Variants in SLIT2 observed in about 807,000 individuals in gnomAD.
SLIT2 encodes slit guidance ligand 2, also known as slit homolog 2 protein.
A neutral mutation model predicts 185.7 loss-of-function variants in SLIT2; 41 were observed. That is an observed-to-expected ratio of 0.22 (90% confidence interval 0.17 to 0.29). SLIT2 has a LOEUF of 0.29. Among genes scored for constraint, SLIT2 ranks in the 10% least tolerant of loss-of-function variants. The probability of loss-of-function intolerance (pLI) is 1.00; values close to 1 mark genes in which losing one functional copy is unlikely to be tolerated. For synonymous variants in SLIT2, 693 were observed against 680.2 expected, an observed-to-expected ratio of 1.02 and a Z score of -0.29; for missense variants, 1,571 against 1,909.0, an observed-to-expected ratio of 0.82 and a Z score of 3.30.
intron 4 of SLIT2, among the ~76,000 whole-genome samples, chr4:20,448,310 A>ATT (rs1369280973): frequency 2.0e-5 from 3 of 150,922 alleles, no homozygotes; most frequent in African/African-American, 7.3e-5. Flanking sequence ...TTATGAGTTT[A>ATT]TTTTTTTTTG....
chr4:20,292,250 A>G (rs1365072483), intron 4 of SLIT2, among the ~76,000 whole-genome samples: 2 of 152,202 alleles, frequency 1.3e-5, no homozygotes, highest in Non-Finnish European at 2.9e-5. Context: ...TAGGTTTCTA[A>G]TAAAAGAGAC....
At chr4:20,596,383 T>G (rs756297066) in intron 31 of SLIT2, 32 bp from the exon 32 acceptor site, 2 of 1,604,068 alleles carry the variant, frequency 1.2e-6, no homozygotes, top group Non-Finnish European at 1.7e-6. Context: ...TAAAATCGTA[T>G]TAACTAATTT....
In SLIT2 at chr4:20,382,129, A is replaced by G. The variant is rs117997473; in HGVS notation, c.396-85623A>G. Among the ~76,000 whole-genome samples, 1,491 of 152,250 alleles carry G rather than the reference A, an allele frequency of 9.8e-3. 23 individuals are homozygous for G. The highest frequency in any genetic ancestry group is 0.08 in the East Asian group (416 of 5,178). On this transcript the variant is annotated intron_variant, in intron 4 of 36. Coordinates refer to ENST00000504154, the MANE Select transcript of SLIT2 (RefSeq NM_004787.4). ...TTCAATATATTAACAGATTTTTTTC[A>G]AAAGGAAAAAGGATTTGACTAAATT...
intron 4 of SLIT2, among the ~76,000 whole-genome samples, chr4:20,320,726 G>A (rs1560314526): frequency 6.6e-6 from 1 of 152,098 alleles, no homozygotes; most frequent in Non-Finnish European, 1.5e-5. Flanking sequence ...GGGGTTAAGT[G>A]TTAACTATTA....
At chr4:20,442,579 A>G (rs979664565) in intron 4 of SLIT2, among the ~76,000 whole-genome samples, 15 of 151,678 alleles carry the variant, frequency 9.9e-5, no homozygotes, top group Middle Eastern at 3.2e-3. Flanking sequence ...AGGTTATGGA[A>G]CAAGGAGGAA....
intron 9 of SLIT2, among the ~76,000 whole-genome samples, chr4:20,509,864 A>G (rs1430855471): frequency 6.6e-6 from 1 of 152,196 alleles, no homozygotes; most frequent in Non-Finnish European, 1.5e-5. Context: ...TTGTGCTCAA[A>G]TGCACTTTGC....
At chr4:20,541,406 G>T in intron 19 of SLIT2, 47 bp from the exon 20 acceptor site, 1 of 1,571,954 alleles carries the variant, frequency 6.4e-7, no homozygotes. Flanking sequence ...GAAGGAAGAA[G>T]ATGAAACCCC....
chr4:20,368,219 C>CA (rs71653879), intron 4 of SLIT2, among the ~76,000 whole-genome samples: 34,998 of 107,274 alleles, frequency 0.33, 4,556 homozygotes, highest in East Asian at 0.51. Flanking sequence ...CACAAAATAG[C>CA]AAAAAAAAAA....
intron 4 of SLIT2, among the ~76,000 whole-genome samples, chr4:20,361,420 A>G (rs1560352830): frequency 6.6e-6 from 1 of 152,188 alleles, no homozygotes; most frequent in African/African-American, 2.4e-5. Context: ...GGAGGACAAC[A>G]TATTAAAATA....
intron 9 of SLIT2, among the ~76,000 whole-genome samples, chr4:20,500,218 T>A (rs1311215740): frequency 1.3e-5 from 2 of 152,218 alleles, no homozygotes; most frequent in African/African-American, 4.8e-5. Context: ...CTTTATTGTT[T>A]CATTGTGAAA....
At chr4:20,550,124 A>C (rs1258521387) in intron 24 of SLIT2, among the ~76,000 whole-genome samples, 1 of 152,034 alleles carries the variant, frequency 6.6e-6, no homozygotes, top group Non-Finnish European at 1.5e-5. Flanking sequence ...TCTTGCAAAC[A>C]CTGAATATTA....
intron 29 of SLIT2, among the ~76,000 whole-genome samples, chr4:20,570,676 C>G (rs1725499223): frequency 6.8e-6 from 1 of 148,124 alleles, no homozygotes. Flanking sequence ...CCAAGCATTT[C>G]AAGCAAGCTT....
chr4:20,476,496 G>A (rs1419628552), intron 5 of SLIT2, among the ~76,000 whole-genome samples: 1 of 151,986 alleles, frequency 6.6e-6, no homozygotes, highest in Non-Finnish European at 1.5e-5. Context: ...TACAAAATTG[G>A]AGCATAGTTA....
intron 16 of SLIT2, among the ~76,000 whole-genome samples, chr4:20,530,752 A>G (rs915211644): frequency 2.6e-5 from 4 of 152,298 alleles, no homozygotes; most frequent in African/African-American, 9.6e-5. Flanking sequence ...AATAAGGCAC[A>G]TAATTCAGAA....
intron 4 of SLIT2, among the ~76,000 whole-genome samples, chr4:20,444,369 T>C (rs1414948396): frequency 6.6e-6 from 1 of 152,066 alleles, no homozygotes; most frequent in Non-Finnish European, 1.5e-5. Context: ...TATTCTCCTG[T>C]TTTGTTGAAG....
intron 4 of SLIT2, among the ~76,000 whole-genome samples, chr4:20,407,475 CCA>C (rs1726865083): frequency 6.6e-6 from 1 of 152,162 alleles, no homozygotes; most frequent in Non-Finnish European, 1.5e-5. Flanking sequence ...CCTTGACTTA[CCA>C]AATGATATCT....
chr4:20,490,763 C>G (rs1224977865), intron 8 of SLIT2: 1 of 1,421,082 alleles, frequency 7.0e-7, no homozygotes, highest in Non-Finnish European at 9.6e-7. Context: ...CGTTACTAAC[C>G]ACTTTTTTCT....
intron 4 of SLIT2, among the ~76,000 whole-genome samples, chr4:20,325,915 A>G (rs1159520310): frequency 6.6e-6 from 1 of 152,166 alleles, no homozygotes; most frequent in Non-Finnish European, 1.5e-5. Context: ...GAATACAGTG[A>G]TGAAAGAAAT....
chr4:20,399,617 A>G (rs919520519), intron 4 of SLIT2, among the ~76,000 whole-genome samples: 4 of 151,840 alleles, frequency 2.6e-5, no homozygotes, highest in African/African-American at 9.7e-5. Flanking sequence ...ATGCATATCA[A>G]TCATTATAAT....
Sources: allele counts gnomAD v4.1 joint callset (sites outside exome capture counted in the v4.1 genomes callset), GRCh38; gene constraint gnomAD v4.1.1; transcripts MANE v1.5; gene names NCBI Gene and HGNC (gene_info 2026-07-23, HGNC 2026-07-21).